FAM117B: variants seen among roughly 807,000 people sequenced by gnomAD.
FAM117B encodes the protein family with sequence similarity 117 member B.
In FAM117B, 22 loss-of-function variants were observed where a neutral mutation model predicts 52.8. That is an observed-to-expected ratio of 0.42 (90% CI 0.30 to 0.59). The LOEUF is 0.59. Ranked by LOEUF, FAM117B falls within the 20% of genes least tolerant of loss-of-function variation. The pLI is 0.22. For synonymous variants in FAM117B, 309 were observed against 324.1 expected, an observed-to-expected ratio of 0.95 and a Z score of 0.50; for missense variants, 678 against 802.6, an observed-to-expected ratio of 0.84 and a Z score of 1.88.
chr2:202,679,952 C>T (rs1385900133), intron 1 of FAM117B, among the ~76,000 whole-genome samples: 1 of 151,942 alleles, frequency 6.6e-6, no homozygotes, highest in Non-Finnish European at 1.5e-5. Flanking sequence ...TAAATATGTT[C>T]AGTATGCTCA....
At chr2:202,652,726 A>G (rs1434138056) in intron 1 of FAM117B, among the ~76,000 whole-genome samples, 2 of 152,182 alleles carry the variant, frequency 1.3e-5, no homozygotes, top group African/African-American at 4.8e-5. Flanking sequence ...AATTCTTGGA[A>G]GGTCTACTCC....
intron 4 of FAM117B, among the ~76,000 whole-genome samples, chr2:202,733,196 G>A (rs919784976): frequency 2.6e-5 from 4 of 152,090 alleles, no homozygotes; most frequent in Non-Finnish European, 4.4e-5. Flanking sequence ...CAGGGAGTAG[G>A]TCACAAAGAT....
intron 4 of FAM117B, among the ~76,000 whole-genome samples, chr2:202,742,061 G>A (rs1282500087): frequency 6.6e-6 from 1 of 152,168 alleles, no homozygotes; most frequent in Non-Finnish European, 1.5e-5. Flanking sequence ...CTGTACAAAT[G>A]TAAAATGTGT....
intron 4 of FAM117B, among the ~76,000 whole-genome samples, chr2:202,751,529 G>A (rs1691721404): frequency 6.6e-6 from 1 of 152,138 alleles, no homozygotes; most frequent in Non-Finnish European, 1.5e-5. Context: ...AGCACTTTGG[G>A]AGGTCCAGGT....
intron 4 of FAM117B, among the ~76,000 whole-genome samples, chr2:202,730,482 C>A (rs1215583007): frequency 1.3e-5 from 2 of 152,064 alleles, no homozygotes; most frequent in African/African-American, 4.8e-5. Flanking sequence ...CCAGCCTGGG[C>A]AACATGGCAA....
intron 1 of FAM117B, among the ~76,000 whole-genome samples, chr2:202,694,985 T>C (rs1690689478): frequency 6.6e-6 from 1 of 152,210 alleles, no homozygotes; most frequent in South Asian, 2.1e-4. Flanking sequence ...CCTTCCTGTC[T>C]TATTTTCATT....
At chr2:202,644,789 A>G (rs1439524585) in intron 1 of FAM117B, among the ~76,000 whole-genome samples, 1 of 152,114 alleles carries the variant, frequency 6.6e-6, no homozygotes, top group Non-Finnish European at 1.5e-5. Context: ...TGCTGTTGAG[A>G]ATTTGGATGC....
chr2:202,745,856 A>G (rs1691623953), intron 4 of FAM117B, among the ~76,000 whole-genome samples: 1 of 152,232 alleles, frequency 6.6e-6, no homozygotes, highest in Admixed American at 6.5e-5. Flanking sequence ...AAAGAAGGTT[A>G]TTATATGTAA....
intron 4 of FAM117B, among the ~76,000 whole-genome samples, chr2:202,747,771 C>T (rs1435637443): frequency 6.6e-6 from 1 of 151,918 alleles, no homozygotes; most frequent in Non-Finnish European, 1.5e-5. Flanking sequence ...AAGATATCTA[C>T]AACAAAAACT....
intron 1 of FAM117B, among the ~76,000 whole-genome samples, chr2:202,673,283 T>C (rs547870430): frequency 6.6e-6 from 1 of 151,992 alleles, no homozygotes; most frequent in Non-Finnish European, 1.5e-5. Flanking sequence ...TGAACTTTGG[T>C]TGTAGCTGGC....
At chr2:202,728,104 T>G (rs1691280051) in intron 4 of FAM117B, among the ~76,000 whole-genome samples, 2 of 152,152 alleles carry the variant, frequency 1.3e-5, no homozygotes, top group Admixed American at 1.3e-4. Context: ...CTCAGCCTGC[T>G]GAGTAGATGA....
intron 1 of FAM117B, among the ~76,000 whole-genome samples, chr2:202,648,907 G>A (rs367771384): frequency 7.2e-5 from 11 of 151,798 alleles, no homozygotes; most frequent in African/African-American, 1.9e-4. Flanking sequence ...GACTACAGGC[G>A]CACACCTGGC....
chr2:202,653,774 G>T (rs188437264), intron 1 of FAM117B, among the ~76,000 whole-genome samples: 1 of 151,826 alleles, frequency 6.6e-6, no homozygotes, highest in Non-Finnish European at 1.5e-5. Context: ...ATTAAAGTGC[G>T]GCAAACACCA....
rs190357411 is a variant in FAM117B at position 202,730,498 on chromosome 2, C to G, written c.960+4135C>G. On this transcript the variant is annotated intron_variant, in intron 4 of 7. Transcript: ENST00000392238. Reference sequence around the variant, plus strand: ...CAGCCTGGGCAACATGGCAAAACCCCCTCTCTACTAAAAACACAAAAATAA... The same window carrying G: ...CAGCCTGGGCAACATGGCAAAACCCGCTCTCTACTAAAAACACAAAAATAA... Among the ~76,000 whole-genome samples, 201 of 152,094 alleles carry G rather than the reference C, an allele frequency of 1.3e-3. 1 individual carries two copies. Among genetic ancestry groups the G allele is most frequent in the African/African-American group, 4.5e-3 (188 of 41,464 alleles).
intron 4 of FAM117B, among the ~76,000 whole-genome samples, chr2:202,729,059 C>G (rs1397538075): frequency 2.6e-5 from 4 of 152,160 alleles, no homozygotes; most frequent in African/African-American, 9.7e-5. Flanking sequence ...TCACGCTGGC[C>G]GGGCACGGTG....
intron 4 of FAM117B, among the ~76,000 whole-genome samples, chr2:202,729,110 G>A (rs866630205): frequency 6.6e-6 from 1 of 152,166 alleles, no homozygotes; most frequent in African/African-American, 2.4e-5. Flanking sequence ...GGCTAAGGTG[G>A]GTGGATCACC....
chr2:202,739,831 G>A (rs1444490818), intron 4 of FAM117B, among the ~76,000 whole-genome samples: 1 of 151,850 alleles, frequency 6.6e-6, no homozygotes, highest in Non-Finnish European at 1.5e-5. Flanking sequence ...AATGAAAAAT[G>A]TGTCATGTCC....
At chr2:202,734,813 G>A (rs1290010758) in intron 4 of FAM117B, among the ~76,000 whole-genome samples, 1 of 152,152 alleles carries the variant, frequency 6.6e-6, no homozygotes, top group Non-Finnish European at 1.5e-5. Flanking sequence ...TGGTTTCCTT[G>A]CCAATTTCTT....
chr2:202,699,046 C>G (rs1690755632), intron 2 of FAM117B, among the ~76,000 whole-genome samples: 1 of 152,078 alleles, frequency 6.6e-6, no homozygotes, highest in South Asian at 2.1e-4. Flanking sequence ...TTGCTGTGAC[C>G]TAACAATTGA....
Sources: gnomAD v4.1 joint callset for allele counts (sites outside exome capture counted in the v4.1 genomes callset) on GRCh38, gnomAD v4.1.1 for gene constraint, MANE v1.5 for transcripts, NCBI Gene and HGNC (gene_info 2026-07-23, HGNC 2026-07-21) for gene names.